USP13: variants seen among roughly 807,000 people sequenced by gnomAD.
USP13 encodes ubiquitin carboxyl-terminal hydrolase 13.
In USP13, 68 loss-of-function variants were observed where a neutral mutation model predicts 107.8. That is an observed-to-expected ratio of 0.63 (90% CI 0.52 to 0.77). USP13 has a LOEUF of 0.77. USP13 is among the 30% of genes least tolerant of loss of function. USP13 has a pLI of 0.00. For synonymous variants in USP13, 377 were observed against 389.5 expected (o/e 0.97, Z 0.38); for missense variants, 945 against 1,093.3 (o/e 0.86, Z 1.91).
At chr3:179,735,615 T>C (rs1272585325) in intron 10 of USP13, among the ~76,000 whole-genome samples, 1 of 152,140 alleles carries the variant, frequency 6.6e-6, no homozygotes, top group Non-Finnish European at 1.5e-5. Context: ...CTTCCTCTCC[T>C]TTTCCTTCCC....
intron 3 of USP13, among the ~76,000 whole-genome samples, chr3:179,691,713 A>G (rs1029934993): frequency 6.6e-6 from 1 of 152,142 alleles, no homozygotes; most frequent in Non-Finnish European, 1.5e-5. Context: ...TTTGCTCACT[A>G]ATTTTAGCAT....
chr3:179,672,005 A>G (rs1008655638), intron 1 of USP13, among the ~76,000 whole-genome samples: 11 of 152,192 alleles, frequency 7.2e-5, no homozygotes, highest in African/African-American at 2.7e-4. Context: ...CGCGTTGCTC[A>G]CATAAGCTCA....
chr3:179,784,680 C>T lies in USP13; in HGVS notation c.*539C>T, dbSNP rs1715865578. ...TATTATGCTCTGTCCATAATAGAGC[C>T]TCTGCAATGAAAGATATTTTTAATT... On this transcript the variant is annotated 3_prime_UTR_variant, in exon 21 of 21. Coordinates refer to ENST00000263966, the MANE Select transcript of USP13 (RefSeq NM_003940.3). The T allele has an allele frequency of 6.6e-6, 1 of 152,096 alleles. No homozygotes were observed. The highest frequency in any genetic ancestry group is 1.9e-4 in the East Asian group (1 of 5,202). The allele number at this position is 152,096 out of a possible 1,614,324, so 9.4% of individuals were successfully genotyped here. A position where few individuals can be genotyped will look rare whatever the true frequency, so the allele number is the denominator to read the frequency against.
chr3:179,692,127 A>G (rs1479965027), intron 3 of USP13, among the ~76,000 whole-genome samples: 5 of 152,254 alleles, frequency 3.3e-5, no homozygotes, highest in African/African-American at 1.2e-4. Flanking sequence ...ATGTGTACAT[A>G]TATAACTGGG....
At position 179,654,233 on chromosome 3, in the gene USP13, T is replaced by A. The variant is rs974215350; in HGVS notation, c.168+840T>A. Among the ~76,000 whole-genome samples, 66 of 91,322 alleles carry A rather than the reference T, an allele frequency of 7.2e-4. 1 individual carries two copies. Among genetic ancestry groups the A allele is most frequent in the South Asian group, 6.8e-3 (19 of 2,782 alleles). The allele number at this position is 91,322 out of a possible 152,430, so 59.9% of individuals were successfully genotyped here. A position where few individuals can be genotyped will look rare whatever the true frequency, so the allele number is the denominator to read the frequency against. On this transcript the variant is annotated intron_variant, in intron 1 of 20. Transcript: ENST00000263966. ...CGTCTCAAAAAAAAAAAAAAAAAAATGTCAGACGAAACCTTCCGGTGCCTC... is the reference window on the plus strand; with the variant it reads ...CGTCTCAAAAAAAAAAAAAAAAAAAAGTCAGACGAAACCTTCCGGTGCCTC...
chr3:179,745,746 A>G lies in USP13; in HGVS notation c.1709+529A>G, dbSNP rs571531277. Among the ~76,000 whole-genome samples the G allele has an allele frequency of 2.0e-5, 3 of 152,306 alleles. 1 individual carries two copies. Among genetic ancestry groups the G allele is most frequent in the African/African-American group, 7.2e-5 (3 of 41,572 alleles). On this transcript the variant is annotated intron_variant, in intron 13 of 20. Transcript: ENST00000263966. ...TCCATAATTAAAGACTTAGTCTAGA[A>G]CTTGGTTGGCTATGTTTCTCCTTGG...
intron 3 of USP13, among the ~76,000 whole-genome samples, chr3:179,690,553 T>C (rs1712079180): frequency 6.6e-6 from 1 of 152,172 alleles, no homozygotes; most frequent in Non-Finnish European, 1.5e-5. Context: ...ATAATTCTGC[T>C]TCAGTTCTGT....
At chr3:179,670,753 AGTGGCATGATCTCC>A (rs1437734171) in intron 1 of USP13, among the ~76,000 whole-genome samples, 3 of 151,906 alleles carry the variant, frequency 2.0e-5, no homozygotes, top group African/African-American at 7.3e-5. Flanking sequence ...GCTGGAGTGC[AGTGGCATGATCTCC>A]GCTCACTGCA....
Position 179,765,797 on chromosome 3 carries a change from A to G in USP13, c.2362A>G (p.Ile788Val). 6.2e-7 allele frequency: 1 copy of G among 1,614,194 alleles called. No individual in the cohort carries two copies. The highest frequency in any genetic ancestry group is 8.5e-7 in the Non-Finnish European group (1 of 1,180,044). ...IEMENNANAN[I>V]ISEAKPEGPR... ...GATGGAGAATAATGCCAATGCAAACATTATTTCTGAGGCCAAGCCCGAAGG... is the reference window on the plus strand; with the variant it reads ...GATGGAGAATAATGCCAATGCAAACGTTATTTCTGAGGCCAAGCCCGAAGG... Residue 788 changes from isoleucine (I) to valine (V), a missense_variant, in exon 19 of 21, where the codon ATT (isoleucine) becomes GTT (valine). Transcript: ENST00000263966.
chr3:179,788,161 T>C lies in USP13; in HGVS notation c.*4020T>C, dbSNP rs1715964734. ...CACAGAAAGGCCGTCCTTGTCATCTTGTAGGCATCACTGCTGCTAAATCAC... is the reference window on the plus strand; with the variant it reads ...CACAGAAAGGCCGTCCTTGTCATCTCGTAGGCATCACTGCTGCTAAATCAC... On this transcript the variant is annotated 3_prime_UTR_variant, in exon 21 of 21. Transcript: ENST00000263966. The C allele has an allele frequency of 6.6e-6, 1 of 152,270 alleles. No individual in the cohort carries two copies. The highest frequency in any genetic ancestry group is 2.1e-4 in the South Asian group (1 of 4,824). The allele number at this position is 152,270 out of a possible 1,614,324, so 9.4% of individuals were successfully genotyped here.
At chr3:179,748,731 T>C (rs904704465) in intron 13 of USP13, among the ~76,000 whole-genome samples, 2 of 152,208 alleles carry the variant, frequency 1.3e-5, no homozygotes, top group Non-Finnish European at 2.9e-5. Flanking sequence ...GATTTTTACT[T>C]ACCCATTCTC....
At position 179,784,914 on chromosome 3, in the gene USP13, C is replaced by T. The variant is rs957253933; in HGVS notation, c.*773C>T. ...AGGAACCTTCGAGAAGATTAGTTCCCCACTTAGATTTTTAAGGAGTAAAAA... is the reference window on the plus strand; with the variant it reads ...AGGAACCTTCGAGAAGATTAGTTCCTCACTTAGATTTTTAAGGAGTAAAAA... On this transcript the variant is annotated 3_prime_UTR_variant, in exon 21 of 21. Coordinates refer to ENST00000263966, the MANE Select transcript of USP13 (RefSeq NM_003940.3). 7 of 152,100 alleles carry T rather than the reference C, an allele frequency of 4.6e-5. No individual in the cohort carries two copies. Among genetic ancestry groups the T allele is most frequent in the Non-Finnish European group, 1.0e-4 (7 of 68,022 alleles). The allele number at this position is 152,100 out of a possible 1,614,324, so 9.4% of individuals were successfully genotyped here. A position where few individuals can be genotyped will look rare whatever the true frequency, so the allele number is the denominator to read the frequency against.
At chr3:179,733,361 C>T (rs577255780) in intron 10 of USP13, among the ~76,000 whole-genome samples, 1 of 152,284 alleles carries the variant, frequency 6.6e-6, no homozygotes, top group Admixed American at 6.5e-5. Flanking sequence ...TCACATTGAC[C>T]ATGATTTTCC....
At chr3:179,714,287 G>T (rs570201142) in intron 6 of USP13, among the ~76,000 whole-genome samples, 1 of 152,286 alleles carries the variant, frequency 6.6e-6, no homozygotes, top group African/African-American at 2.4e-5. Context: ...ATCTCAAGCT[G>T]GTCTTTCTTC....
intron 1 of USP13, among the ~76,000 whole-genome samples, chr3:179,669,811 T>A (rs1576912626): frequency 6.7e-6 from 1 of 149,166 alleles, no homozygotes. Context: ...GACTATAGCC[T>A]CTCAAATGTA....
chr3:179,706,158 A>G (rs1206666502), intron 4 of USP13, among the ~76,000 whole-genome samples: 4 of 152,216 alleles, frequency 2.6e-5, no homozygotes, highest in Non-Finnish European at 5.9e-5. Flanking sequence ...CTGTTTAACC[A>G]TTTGATGAAC....
Position 179,740,769 on chromosome 3 carries a change from C to CT in USP13, c.1380+412dup, listed in dbSNP as rs768697378. Among the ~76,000 whole-genome samples the CT allele has an allele frequency of 2.9e-3, 411 of 143,318 alleles. 2 individuals are homozygous for CT. Among genetic ancestry groups the CT allele is most frequent in the Middle Eastern group, 7.2e-3 (2 of 278 alleles). 94.0% of individuals were successfully genotyped at this position (143,318 alleles called of 152,430 possible). A position where few individuals can be genotyped will look rare whatever the true frequency, so the allele number is the denominator to read the frequency against. ...CATCAGAATCGAATGCCATTAAAAA[C>CT]TTTTTTTTTTTTTTTGAGACTGAGT... On this transcript the variant is annotated intron_variant, in intron 11 of 20. Coordinates refer to ENST00000263966, the MANE Select transcript of USP13 (RefSeq NM_003940.3).
intron 19 of USP13, among the ~76,000 whole-genome samples, chr3:179,780,062 G>T (rs1452489200): frequency 6.6e-6 from 1 of 152,172 alleles, no homozygotes; most frequent in Non-Finnish European, 1.5e-5. Flanking sequence ...CAGCAAACTA[G>T]GAATGGAAGA....
intron 12 of USP13, among the ~76,000 whole-genome samples, chr3:179,744,194 G>A (rs1714310745): frequency 6.6e-6 from 1 of 152,238 alleles, no homozygotes; most frequent in South Asian, 2.1e-4. Context: ...TTTGATGGTG[G>A]CTAACTGCAG....
Sources: allele counts gnomAD v4.1 joint callset (sites outside exome capture counted in the v4.1 genomes callset), GRCh38; gene constraint gnomAD v4.1.1; transcripts MANE v1.5; gene names NCBI Gene and HGNC (gene_info 2026-07-23, HGNC 2026-07-21).